AP2A2: variants seen among roughly 807,000 people sequenced by gnomAD.
The protein encoded by AP2A2 is AP-2 complex subunit alpha-2.
AP2A2 carries 32 observed loss-of-function variants against 104.2 expected under a neutral mutation model. That is an observed-to-expected ratio of 0.31 (90% CI 0.23 to 0.41). AP2A2 has a LOEUF of 0.41. AP2A2 is among the 10% of genes least tolerant of loss of function. AP2A2 has a pLI of 1.00. For missense variants in AP2A2, 912 were observed against 1,261.0 expected, an observed-to-expected ratio of 0.72 and a Z score of 4.19; for synonymous variants, 539 against 533.3, an observed-to-expected ratio of 1.01 and a Z score of -0.15.
intron 17 of AP2A2, chr11:1,007,415 TC>T (rs1262664968): frequency 6.4e-6 from 1 of 156,448 alleles, no homozygotes; most frequent in Admixed American, 6.1e-5. Context: ...TAGGGGTCTC[TC>T]CCTCGGGGTC....
chr11:953,898 G>A (rs140655955), intron 1 of AP2A2, among the ~76,000 whole-genome samples: 10,193 of 150,524 alleles, frequency 0.068, 427 homozygotes, highest in South Asian at 0.11. Context: ...GCAATGGCGC[G>A]ATCTCGGCTC....
intron 14 of AP2A2, among the ~76,000 whole-genome samples, chr11:995,090 G>A (rs56126632): frequency 0.15 from 23,045 of 151,776 alleles, 1,896 homozygotes; most frequent in Non-Finnish European, 0.2. Context: ...CCTTCAGACC[G>A]TCGTCTTGTC....
At chr11:999,769 C>T (rs1564819620) in intron 14 of AP2A2, among the ~76,000 whole-genome samples, 1 of 151,164 alleles carries the variant, frequency 6.6e-6, no homozygotes, top group African/African-American at 2.4e-5. Context: ...TCTTATTGGA[C>T]AGTTGGCAGT....
chr11:986,698 T>C, intron 8 of AP2A2, 87 bp from the exon 9 acceptor site: 1 of 1,481,668 alleles, frequency 6.7e-7, no homozygotes, highest in Non-Finnish European at 9.1e-7. Flanking sequence ...CTGTCTGCCA[T>C]CTGGACCCGT....
Position 992,964 on chromosome 11 carries a change from G to A in AP2A2, c.1452+279G>A, listed in dbSNP as rs1303702161. ...AGCATGCTGGGGCATGCCGTGGTGG[G>A]GCCTGCCCTGTCCGTCGGAGAGGGT... is the stretch of plus-strand genomic sequence containing the variant. On this transcript the variant is annotated intron_variant, in intron 11 of 21. Transcript: ENST00000448903. The surrounding 1 kb of genome is among the most constrained non-coding windows in gnomAD (Gnocchi z 6.4). Among the ~76,000 whole-genome samples, 1 of 152,192 alleles carries A rather than the reference G, an allele frequency of 6.6e-6. No homozygotes were observed. The highest frequency in any genetic ancestry group is 1.5e-5 in the Non-Finnish European group (1 of 68,024).
chr11:995,421 C>T (rs1038139269), intron 14 of AP2A2: 8 of 455,638 alleles, frequency 1.8e-5, no homozygotes, highest in Non-Finnish European at 3.5e-5. Context: ...GGGAGGGCTC[C>T]TGTCGGGGTC....
chr11:973,655 A>G (rs1854910159), intron 4 of AP2A2, among the ~76,000 whole-genome samples: 1 of 142,064 alleles, frequency 7.0e-6, no homozygotes, highest in Admixed American at 6.9e-5. Flanking sequence ...GATGGAAGGA[A>G]GGCTCGAATG....
At chr11:936,055 C>T (rs1853448103) in intron 1 of AP2A2, among the ~76,000 whole-genome samples, 2 of 150,932 alleles carry the variant, frequency 1.3e-5, no homozygotes, top group Admixed American at 1.3e-4. Flanking sequence ...GCGCCCACCA[C>T]CACGCCTGCC....
intron 1 of AP2A2, among the ~76,000 whole-genome samples, chr11:946,035 T>C (rs1228900270): frequency 6.6e-6 from 1 of 152,194 alleles, no homozygotes; most frequent in African/African-American, 2.4e-5. Context: ...AAATGCCACT[T>C]AGCCGGAATG....
At position 993,977 on chromosome 11, in the gene AP2A2, G is replaced by A. The variant is rs1312186255; in HGVS notation, c.1774G>A (p.Asp592Asn). ...GCGGCTCAGCACCGTGGCCAGCACC[G>A]ACATTCTGGTAGGAGGCCCCCGCCC... ...YLRLSTVAST[D>N]ILATVLEEMP... is the part of the protein sequence containing the mutation. The change falls in exon 13 of 22, where the codon GAC becomes AAC. Residue 592 changes from aspartate (D) to asparagine (N), a missense_variant. By Grantham distance (23) the Asp-to-Asn change is conservative (BLOSUM62 1). Around this residue, in one of 7 missense-constraint regions of AP2A2, gnomAD observed 137 missense variants for 186.9 expected, o/e 0.73. Transcript: ENST00000448903. The surrounding 1 kb of genome is among the most constrained non-coding windows in gnomAD (Gnocchi z 8.2). 6.2e-6 allele frequency: 10 copies of A among 1,610,748 alleles called. No individual in the cohort carries two copies. The highest frequency in any genetic ancestry group is 2.2e-5 in the East Asian group (1 of 44,820).
chr11:981,318 G>T lies in AP2A2; in HGVS notation c.705+19G>T. The T allele has an allele frequency of 6.4e-7, 1 of 1,571,530 alleles. No homozygotes were observed. ...AAGCAGAGTAAGTCTGTTCGTGGGG[G>T]AGCAGAAGTCAGGGTGGGTTTTGTC... On this transcript the variant is annotated intron_variant, in intron 6 of 21. Transcript: ENST00000448903.
At chr11:989,435 G>A (rs939491352) in intron 10 of AP2A2, among the ~76,000 whole-genome samples, 7 of 152,188 alleles carry the variant, frequency 4.6e-5, no homozygotes, top group African/African-American at 9.7e-5. Context: ...GGCTCCAGCC[G>A]TCTGCGCTGG....
At chr11:990,582 G>C (rs1855611472) in intron 10 of AP2A2, among the ~76,000 whole-genome samples, 1 of 152,184 alleles carries the variant, frequency 6.6e-6, no homozygotes, top group Non-Finnish European at 1.5e-5. Flanking sequence ...TCCTCAGCCA[G>C]CTCCTGCTGT....
chr11:995,249 G>T (rs1347266147), intron 14 of AP2A2: 2 of 454,228 alleles, frequency 4.4e-6, no homozygotes, highest in Middle Eastern at 3.2e-4. Context: ...GAGGTTTTAT[G>T]TAGTGAGTTG....
rs143693544 is a variant in AP2A2, at chr11:932,988, C to T, written c.67+6900C>T. On this transcript the variant is annotated intron_variant, in intron 1 of 21. Coordinates refer to ENST00000448903, the MANE Select transcript of AP2A2 (RefSeq NM_012305.4). ...CCTTGGCTCTTAAAAAAATCAAATA[C>T]GCCGGGCGCTGCGGTTCACGCCTGT... Among the ~76,000 whole-genome samples the T allele has an allele frequency of 2.1e-3, 315 of 152,228 alleles. 3 individuals carry two copies. The highest frequency in any genetic ancestry group is 7.0e-3 in the African/African-American group (291 of 41,542).
intron 14 of AP2A2, among the ~76,000 whole-genome samples, chr11:996,516 C>T (rs987966289): frequency 6.6e-6 from 1 of 152,062 alleles, no homozygotes; most frequent in Non-Finnish European, 1.5e-5. Context: ...GTGCCCATAC[C>T]CCAGGCCTTT....
Position 986,899 on chromosome 11 carries a change from G to A in AP2A2, c.1077G>A (p.Glu359=), listed in dbSNP as rs1350551378. The A allele has an allele frequency of 1.2e-6, 2 of 1,606,186 alleles. No individual in the cohort carries two copies. Among genetic ancestry groups the A allele is most frequent in the Non-Finnish European group, 1.7e-6 (2 of 1,176,818 alleles). The part of the protein sequence containing the change: ...LESMCTLASS[E]FSHEAVKTHI... ...GCATGTGCACGCTGGCCAGCTCTGA[G>A]TTCTCCCATGAGGCTGTCAAGACGC... The change falls in exon 9 of 22, where the codon GAG becomes GAA. Residue 359 remains glutamate (E), a synonymous_variant. Coordinates refer to ENST00000448903, the MANE Select transcript of AP2A2 (RefSeq NM_012305.4).
At chr11:951,082 A>G (rs1251403852) in intron 1 of AP2A2, among the ~76,000 whole-genome samples, 4 of 151,604 alleles carry the variant, frequency 2.6e-5, no homozygotes, top group African/African-American at 9.7e-5. Flanking sequence ...ACAGAGTGAG[A>G]CTGCATCTCA....
intron 15 of AP2A2, among the ~76,000 whole-genome samples, chr11:1,002,425 G>A (rs1022021778): frequency 6.6e-6 from 1 of 152,264 alleles, no homozygotes; most frequent in Non-Finnish European, 1.5e-5. Flanking sequence ...GTCCTGTGTT[G>A]TGTGTTGCTT....
Sources: allele counts gnomAD v4.1 joint callset (sites outside exome capture counted in the v4.1 genomes callset), GRCh38; gene constraint gnomAD v4.1.1; regional missense constraint gnomAD v4.1.1; non-coding constraint Gnocchi (gnomAD v3.1); transcripts MANE v1.5; gene names NCBI Gene and HGNC (gene_info 2026-07-23, HGNC 2026-07-21).